PPP2R5C: variants seen among roughly 807,000 people sequenced by gnomAD.
PPP2R5C encodes the protein serine/threonine-protein phosphatase 2A 56 kDa regulatory subunit gamma isoform.
A neutral mutation model predicts 68.9 loss-of-function variants in PPP2R5C; 7 were observed. That is an observed-to-expected ratio of 0.10 (90% CI 0.06 to 0.19). The LOEUF is 0.19. Among genes scored for constraint, PPP2R5C ranks in the 10% least tolerant of loss-of-function variants. PPP2R5C has a pLI of 1.00. For missense variants in PPP2R5C, 348 were observed against 641.3 expected (o/e 0.54, Z 4.94); for synonymous variants, 210 against 222.2 (o/e 0.95, Z 0.49).
chr14:101,880,256 A>G (rs1323621474), intron 2 of PPP2R5C, among the ~76,000 whole-genome samples: 2 of 152,204 alleles, frequency 1.3e-5, no homozygotes, highest in Non-Finnish European at 2.9e-5. Flanking sequence ...CATTACTCAT[A>G]CTTTTACTAG....
intron 11 of PPP2R5C, among the ~76,000 whole-genome samples, chr14:101,911,194 G>A (rs1295895406): frequency 2.0e-5 from 3 of 151,608 alleles, no homozygotes; most frequent in Non-Finnish European, 4.4e-5. Flanking sequence ...AGGATGGCGT[G>A]AACCTGGAGG....
chr14:101,761,716 T>C (rs1202657254), upstream of PPP2R5C: 35 of 582,036 alleles, frequency 6.0e-5, no homozygotes, highest in South Asian at 2.2e-4. Flanking sequence ...GCCGCCGCCG[T>C]GGCTGCCGCA....
At chr14:101,854,014 T>C (rs1474887899) in intron 1 of PPP2R5C, among the ~76,000 whole-genome samples, 1 of 152,118 alleles carries the variant, frequency 6.6e-6, no homozygotes, top group African/African-American at 2.4e-5. Flanking sequence ...GGTGTAGAAT[T>C]GATGAGAATT....
intron 1 of PPP2R5C, among the ~76,000 whole-genome samples, chr14:101,811,654 TA>T (rs1031799014): frequency 3.2e-4 from 49 of 152,344 alleles, no homozygotes; most frequent in Admixed American, 8.5e-4. Flanking sequence ...AGTTAGTTCT[TA>T]AAAACGAACT....
chr14:101,873,583 TACTG>T (rs2043562611), intron 2 of PPP2R5C, among the ~76,000 whole-genome samples: 2 of 152,192 alleles, frequency 1.3e-5, no homozygotes, highest in Non-Finnish European at 2.9e-5. Flanking sequence ...CCCGAACAAG[TACTG>T]GGTTCTCACT....
Position 101,888,032 on chromosome 14 carries a change from A to G in PPP2R5C, c.630-2205A>G, listed in dbSNP as rs140475868. ...TTTCTTCTTTCTTCTGCCTACATCA[A>G]AGCAGGTTTAAAAAATTAGAAATTA... On this transcript the variant is annotated intron_variant, in intron 5 of 13. Coordinates refer to ENST00000334743, the Ensembl canonical transcript of PPP2R5C. The surrounding 1 kb of genome is among the most constrained non-coding windows in gnomAD (Gnocchi z 5.6). 4.4e-4 allele frequency among the ~76,000 whole-genome samples: 67 copies of G among 152,310 alleles called. 2 individuals are homozygous for G. In the East Asian group the frequency reaches 9.5e-3, roughly 21 times the overall value.
chr14:101,905,504 C>CA (rs2045973996), intron 9 of PPP2R5C, among the ~76,000 whole-genome samples: 1 of 151,574 alleles, frequency 6.6e-6, no homozygotes, highest in South Asian at 2.1e-4. Flanking sequence ...ACTAAAAATA[C>CA]AAAAAAGCCG....
chr14:101,771,425 T>A (rs1246036228), intron 2 of PPP2R5C, among the ~76,000 whole-genome samples: 1 of 152,016 alleles, frequency 6.6e-6, no homozygotes, highest in Non-Finnish European at 1.5e-5. Context: ...ATCTTGTATA[T>A]ATTTCCTTAA....
At chr14:101,761,740 T>C, upstream of PPP2R5C, 1 of 949,366 alleles carries the variant, frequency 1.1e-6, no homozygotes, top group Non-Finnish European at 1.2e-6. Context: ...TCTGGGAGTC[T>C]GGAAAAGGGG....
intron 1 of PPP2R5C, among the ~76,000 whole-genome samples, chr14:101,810,608 GTCA>G (rs1311487661): frequency 6.6e-6 from 1 of 152,176 alleles, no homozygotes; most frequent in East Asian, 1.9e-4. Flanking sequence ...TCTATCGTGG[GTCA>G]TCATTTTTGA....
rs150082595 is a variant in PPP2R5C, at chr14:101,915,664, G to A, written c.1327-2167G>A. On this transcript the variant is annotated intron_variant, in intron 12 of 13. Transcript: ENST00000334743. The surrounding 1 kb of genome is among the most constrained non-coding windows in gnomAD (Gnocchi z 4.2). ...AGGTTTCTGTATCTCCCACCTGACTGTGAGCCCCCTCGAGGAAAGGTGCTG... is the reference window on the plus strand; with the variant it reads ...AGGTTTCTGTATCTCCCACCTGACTATGAGCCCCCTCGAGGAAAGGTGCTG... Among the ~76,000 whole-genome samples the A allele has an allele frequency of 1.1e-3, 172 of 152,358 alleles. 1 individual carries two copies. Among genetic ancestry groups the A allele is most frequent in the African/African-American group, 3.7e-3 (154 of 41,588 alleles).
chr14:101,804,221 C>G (rs1345548734), intron 3 of PPP2R5C, among the ~76,000 whole-genome samples: 1 of 152,156 alleles, frequency 6.6e-6, no homozygotes, highest in African/African-American at 2.4e-5. Flanking sequence ...CAAGCAATAA[C>G]TAATGCTGGA....
chr14:101,778,181 C>T (rs2037513394), intron 2 of PPP2R5C, among the ~76,000 whole-genome samples: 2 of 152,146 alleles, frequency 1.3e-5, no homozygotes, highest in South Asian at 4.1e-4. Context: ...AGGTGGTGAG[C>T]ATCTTTTCAT....
Position 101,917,107 on chromosome 14 carries a change from C to T in PPP2R5C, c.1327-724C>T, listed in dbSNP as rs1410432866. Among the ~76,000 whole-genome samples, 2 of 152,138 alleles carry T rather than the reference C, an allele frequency of 1.3e-5. No individual in the cohort carries two copies. Among genetic ancestry groups the T allele is most frequent in the Non-Finnish European group, 2.9e-5 (2 of 68,014 alleles). ...CTGTCTCATGGAACCCTCACAGCCA[C>T]CCTCCGGGGTGACCTTACCCCCGCA... On this transcript the variant is annotated intron_variant, in intron 12 of 13. Transcript: ENST00000334743. The surrounding 1 kb of genome is among the most constrained non-coding windows in gnomAD (Gnocchi z 4.4).
In PPP2R5C at chr14:101,877,151, G is replaced by T. The variant is rs553422329; in HGVS notation, c.295-5010G>T. On this transcript the variant is annotated intron_variant, in intron 2 of 13. Coordinates refer to ENST00000334743, the Ensembl canonical transcript of PPP2R5C. The surrounding 1 kb of genome is among the most constrained non-coding windows in gnomAD (Gnocchi z 4.2). Reference sequence around the variant, plus strand: ...TTTAGTGGAGATGGGGTTTCACCATGTTGGCTAGGCTGCTCTTGAACTCTT... The same window carrying T: ...TTTAGTGGAGATGGGGTTTCACCATTTTGGCTAGGCTGCTCTTGAACTCTT... Among the ~76,000 whole-genome samples the T allele has an allele frequency of 3.0e-4, 45 of 152,110 alleles. No individual in the cohort carries two copies. The highest frequency in any genetic ancestry group is 2.9e-3 in the Admixed American group (45 of 15,284).
intron 1 of PPP2R5C, chr14:101,818,972 A>T: frequency 7.3e-6 from 11 of 1,507,412 alleles, no homozygotes; most frequent in Non-Finnish European, 8.1e-6. Context: ...AACTTATGAA[A>T]AAGTTATGTT....
intron 2 of PPP2R5C, among the ~76,000 whole-genome samples, chr14:101,867,780 A>T (rs1198767152): frequency 6.6e-6 from 1 of 151,646 alleles, no homozygotes; most frequent in East Asian, 1.9e-4. Context: ...TCCATCAAAA[A>T]AATTAATTAA....
chr14:101,882,061 T>C lies in PPP2R5C; in HGVS notation c.295-100T>C. 1.0e-6 allele frequency: 1 copy of C among 966,210 alleles called. No homozygotes were observed. Among genetic ancestry groups the C allele is most frequent in the Non-Finnish European group, 1.5e-6 (1 of 673,390 alleles). The allele number at this position is 966,210 out of a possible 1,614,324, so 59.9% of individuals were successfully genotyped here. On this transcript the variant is annotated intron_variant, in intron 2 of 13. Transcript: ENST00000334743. This position sits in a 1 kb window ranked among gnomAD's most constrained non-coding sequence, Gnocchi z 4.9. ...AGGATACGGAGGAGCTAAGTTACCA[T>C]GGGAAGCGGCTACTGTTAGAATTAC...
chr14:101,808,253 C>T (rs1290954860), upstream of PPP2R5C, among the ~76,000 whole-genome samples: 1 of 151,870 alleles, frequency 6.6e-6, no homozygotes, highest in Non-Finnish European at 1.5e-5. Context: ...CTAAATTCCT[C>T]TTACCCAACT....
Sources: allele counts gnomAD v4.1 joint callset (sites outside exome capture counted in the v4.1 genomes callset), GRCh38; gene constraint gnomAD v4.1.1; non-coding constraint Gnocchi (gnomAD v3.1); transcripts MANE v1.5; gene names NCBI Gene and HGNC (gene_info 2026-07-23, HGNC 2026-07-21).